Variants in CDH15 observed in about 807,000 individuals in gnomAD.
CDH15 encodes the protein cadherin-15.
CDH15 carries 73 observed loss-of-function variants against 69.4 expected under a neutral mutation model. The ratio of observed to expected loss-of-function variants is 1.05; its 90% CI spans 0.87 to 1.28. The LOEUF is 1.28. CDH15 is among the 50% of genes most tolerant of loss of function. The pLI is 0.00. For missense variants in CDH15, 1,343 were observed against 1,133.6 expected (o/e 1.18, Z -2.65); for synonymous variants, 624 against 507.7 (o/e 1.23, Z -3.08).
rs1485769030 is a variant in CDH15 at position 89,188,210 on chromosome 16, G to A, written c.903G>A (p.Leu301=). 2 of 1,613,546 alleles carry A rather than the reference G, an allele frequency of 1.2e-6. No individual in the cohort carries two copies. Among genetic ancestry groups the A allele is most frequent in the Non-Finnish European group, 1.7e-6 (2 of 1,179,912 alleles). Residue 301 remains leucine (L), a synonymous_variant, in exon 7 of 14, where the codon CTG becomes CTA. Transcript: ENST00000289746. ...ACTGGGTGGCCAGGTTCACCATCCT[G>A]GAAGGCGACCCCGATGGGCAGTTCA... ...SPNWVARFTI[L]EGDPDGQFTI...
rs1915650797 is a variant in CDH15, at chr16:89,191,818, C to T, written c.1539C>T (p.His513=). 5.0e-6 allele frequency: 8 copies of T among 1,604,426 alleles called. No homozygotes were observed. Among genetic ancestry groups the T allele is most frequent in the African/African-American group, 1.3e-5 (1 of 74,880 alleles). ...CCACGGATGAGGACCTGCCCCCCCACGGGGCCCCCTTCCACTTCCAGCTGA... is the reference window on the plus strand; with the variant it reads ...CCACGGATGAGGACCTGCCCCCCCATGGGGCCCCCTTCCACTTCCAGCTGA... ...LGATDEDLPP[H]GAPFHFQLSP... Residue 513 remains histidine (H), a synonymous_variant, in exon 10 of 14, where the codon CAC becomes CAT. Transcript: ENST00000289746.
At chr16:89,187,064 G>A (rs142641444) in intron 5 of CDH15, among the ~76,000 whole-genome samples, 33 of 151,628 alleles carry the variant, frequency 2.2e-4, no homozygotes, top group East Asian at 7.8e-4. Context: ...CGCTTACCCC[G>A]GGCACACAAG....
intron 3 of CDH15, among the ~76,000 whole-genome samples, chr16:89,180,852 T>C (rs532089995): frequency 6.6e-6 from 1 of 151,816 alleles, no homozygotes; most frequent in African/African-American, 2.4e-5. Flanking sequence ...GCCTCCCGAG[T>C]AGCTGGGACT....
intron 1 of CDH15, among the ~76,000 whole-genome samples, chr16:89,174,458 C>A (rs1004911185): frequency 1.3e-5 from 2 of 152,230 alleles, no homozygotes; most frequent in South Asian, 2.1e-4. Context: ...AACCGCTCCT[C>A]GTTCCCGTCT....
chr16:89,193,184 C>T (rs1915696574), intron 11 of CDH15, among the ~76,000 whole-genome samples: 1 of 108,066 alleles, frequency 9.3e-6, no homozygotes, highest in Admixed American at 9.3e-5. Context: ...GCTCGCAAAC[C>T]CCGCCCCCTC....
intron 1 of CDH15, among the ~76,000 whole-genome samples, chr16:89,177,179 G>A (rs981150129): frequency 4.0e-5 from 6 of 149,220 alleles, no homozygotes; most frequent in African/African-American, 1.2e-4. Context: ...ACGTGGTACC[G>A]GTGGGGGGCG....
chr16:89,179,282 C>A (rs1915322096), intron 1 of CDH15, 134 bp from the exon 2 acceptor site: 2 of 1,011,652 alleles, frequency 2.0e-6, no homozygotes, highest in Non-Finnish European at 3.0e-6. Flanking sequence ...CGCCTTGCGC[C>A]AATGGGCACC....
At position 89,191,798 on chromosome 16, in the gene CDH15, G is replaced by T; in HGVS notation, c.1519G>T (p.Asp507Tyr). ...QGPGLLLGATDEDLPPHGAPF... is the reference protein window; with the variant it reads ...QGPGLLLGATYEDLPPHGAPF... ...CCCAGGCCTCCTCCTGGGCGCCACG[G>T]ATGAGGACCTGCCCCCCCACGGGGC... Residue 507 changes from aspartate to tyrosine, a missense_variant, in exon 10 of 14, where the codon GAT becomes TAT. Physicochemically the swap from Asp to Tyr is radical, Grantham distance 160. Transcript: ENST00000289746. The T allele has an allele frequency of 1.2e-6, 2 of 1,605,948 alleles. No individual in the cohort carries two copies. The highest frequency in any genetic ancestry group is 1.7e-6 in the Non-Finnish European group (2 of 1,179,500).
intron 1 of CDH15, among the ~76,000 whole-genome samples, chr16:89,176,097 A>G (rs1915249916): frequency 6.6e-6 from 1 of 152,232 alleles, no homozygotes; most frequent in Non-Finnish European, 1.5e-5. Flanking sequence ...TGGAGGACAG[A>G]GGCCAAGCCT....
intron 13 of CDH15, 45 bp downstream of exon 13, chr16:89,193,958 G>A: frequency 6.3e-6 from 10 of 1,598,574 alleles, no homozygotes; most frequent in South Asian, 1.1e-5. Context: ...GCACGCACAG[G>A]TGCACACACA....
chr16:89,193,923 C>A lies in CDH15; in HGVS notation c.2151+10C>A. ...CGACTTCATCAATGATGTAGGTGCT[C>A]CTGGGGACACCCCAGTACACACAGG... is the stretch of plus-strand genomic sequence containing the variant. On this transcript the variant is annotated intron_variant, in intron 13 of 13. Coordinates refer to ENST00000289746, the MANE Select transcript of CDH15 (RefSeq NM_004933.3). The A allele has an allele frequency of 1.2e-6, 2 of 1,611,504 alleles. No homozygotes were observed. Among genetic ancestry groups the A allele is most frequent in the Non-Finnish European group, 1.7e-6 (2 of 1,179,588 alleles).
chr16:89,182,819 G>C (rs1415082488), intron 3 of CDH15: 2 of 152,132 alleles, frequency 1.3e-5, no homozygotes, highest in Admixed American at 6.5e-5. Flanking sequence ...TTCTCACTTG[G>C]AAACTGTAAT....
At chr16:89,184,646 G>A (rs142762146) in intron 4 of CDH15, among the ~76,000 whole-genome samples, 144 of 151,834 alleles carry the variant, frequency 9.5e-4, no homozygotes, top group Middle Eastern at 3.4e-3. Context: ...TATCCTGTCC[G>A]TGCGTCCTCT....
chr16:89,181,895 C>T (rs1256747980), intron 3 of CDH15, among the ~76,000 whole-genome samples: 1 of 150,778 alleles, frequency 6.6e-6, no homozygotes, highest in African/African-American at 2.4e-5. Flanking sequence ...GCTGAGTCCT[C>T]GCCACTGCAC....
Position 89,194,850 on chromosome 16 carries a change from G to A in CDH15, c.2152-12G>A. On this transcript the variant is annotated splice_polypyrimidine_tract_variant and intron_variant, in intron 13 of 13. Transcript: ENST00000289746. ...CCTCCATGTGTCTTGAGCTCTCCGG[G>A]CCTCTTTATAGGGCTTGGAGGCTGC... 1.3e-6 allele frequency: 2 copies of A among 1,596,272 alleles called. No homozygotes were observed. Among genetic ancestry groups the A allele is most frequent in the South Asian group, 1.1e-5 (1 of 89,172 alleles).
Position 89,180,228 on chromosome 16 carries a change from G to A in CDH15, c.230G>A (p.Ser77Asn). 2 of 1,610,794 alleles carry A rather than the reference G, an allele frequency of 1.2e-6. No homozygotes were observed. Among genetic ancestry groups the A allele is most frequent in the Non-Finnish European group, 1.7e-6 (2 of 1,178,964 alleles). The change falls in exon 3 of 14, where the codon AGC becomes AAC. Residue 77 changes from serine (S) to asparagine (N), a missense_variant. By Grantham distance (46) the Ser-to-Asn change is conservative. Transcript: ENST00000289746. ...AAGTCGGACAAGCAGCAGCTGGGCA[G>A]CGTCATCTACAGCATCCAGGGACCC... is the stretch of plus-strand genomic sequence containing the variant. ...QIKSDKQQLG[S>N]VIYSIQGPGV...
intron 3 of CDH15, chr16:89,183,288 G>T: frequency 4.0e-6 from 2 of 504,578 alleles, no homozygotes; most frequent in Admixed American, 3.2e-5. Context: ...TTAGTCACAC[G>T]TGAAGCTGTG....
intron 7 of CDH15, among the ~76,000 whole-genome samples, chr16:89,189,551 G>A (rs952369214): frequency 6.6e-6 from 1 of 152,222 alleles, no homozygotes; most frequent in African/African-American, 2.4e-5. Context: ...CCCAGGCCAC[G>A]CTACCCATGG....
rs754263255 is a variant in CDH15 at position 89,192,291 on chromosome 16, C to T, written c.1702C>T (p.Pro568Ser). The change falls in exon 11 of 14, where the codon CCC becomes TCC. Residue 568 changes from proline (P) to serine (S), a missense_variant. Coordinates refer to ENST00000289746, the MANE Select transcript of CDH15 (RefSeq NM_004933.3). ...SLLLRDSGQP[P>S]QQREQPLNVT... ...GCTGCTCCGGGACTCGGGGCAGCCG[C>T]CCCAGCAGCGCGAGCAGCCTCTGAA... The T allele has an allele frequency of 2.0e-6, 3 of 1,532,274 alleles. No individual in the cohort carries two copies. The highest frequency in any genetic ancestry group is 2.4e-5 in the South Asian group (2 of 83,870). 94.9% of individuals were successfully genotyped at this position (1,532,274 alleles called of 1,614,324 possible).
Sources: gnomAD v4.1 joint callset for allele counts (sites outside exome capture counted in the v4.1 genomes callset) on GRCh38, gnomAD v4.1.1 for gene constraint, MANE v1.5 for transcripts, NCBI Gene and HGNC (gene_info 2026-07-23, HGNC 2026-07-21) for gene names.